The following CPED1 variants were observed in gnomAD, a reference collection of about 807,000 sequenced individuals.
CPED1 encodes cadherin like and PC-esterase domain containing 1.
CPED1 carries 114 observed loss-of-function variants against 128.2 expected under a neutral mutation model. The observed-to-expected ratio is 0.89, with a 90% CI of 0.76 to 1.04. CPED1 has a LOEUF of 1.04. Among genes scored for constraint, CPED1 ranks in the 50% least tolerant of loss-of-function variants. The probability of loss-of-function intolerance (pLI) is 0.00; values close to 1 mark genes in which losing one functional copy is unlikely to be tolerated. For synonymous variants in CPED1, 462 were observed against 426.7 expected, an observed-to-expected ratio of 1.08 and a Z score of -1.02; for missense variants, 1,211 against 1,207.1, an observed-to-expected ratio of 1.00 and a Z score of -0.05.
In CPED1 at chr7:121,128,460, C is replaced by T. The variant is rs779989936; in HGVS notation, c.1381C>T (p.Leu461Phe). 4 of 1,592,018 alleles carry T rather than the reference C, an allele frequency of 2.5e-6. No individual in the cohort carries two copies. Among genetic ancestry groups the T allele is most frequent in the East Asian group, 4.5e-5 (2 of 44,684 alleles). Residue 461 changes from leucine (L) to phenylalanine (F), a missense_variant, in exon 11 of 23, where the codon CTT becomes TTT. Coordinates refer to ENST00000310396, the MANE Select transcript of CPED1 (RefSeq NM_024913.5). ...CTCAATTATGACTTTCATAAAGGAA[C>T]TTGGAAGTCTGGGACAATTCCAACT... ...INSIMTFIKELGSLGQFQLLF... is the reference protein window; with the variant it reads ...INSIMTFIKEFGSLGQFQLLF...
chr7:121,079,021 T>A (rs1794210925), intron 5 of CPED1, among the ~76,000 whole-genome samples: 1 of 152,224 alleles, frequency 6.6e-6, no homozygotes, highest in Non-Finnish European at 1.5e-5. Flanking sequence ...AGCCTATGTC[T>A]GTGTCCTGTT....
intron 3 of CPED1, among the ~76,000 whole-genome samples, chr7:121,029,013 A>G (rs1332618445): frequency 6.6e-6 from 1 of 152,142 alleles, no homozygotes. Flanking sequence ...CATACCATAA[A>G]AACTTTGTAA....
chr7:121,125,798 G>GTACCT, intron 8 of CPED1, 22 bp from the exon 9 acceptor site: 1 of 1,574,294 alleles, frequency 6.4e-7, no homozygotes, highest in East Asian at 2.2e-5. Flanking sequence ...TACTTTTATG[G>GTACCT]TACCTTGTGT....
intron 16 of CPED1, among the ~76,000 whole-genome samples, chr7:121,189,940 T>C (rs1392824129): frequency 2.0e-5 from 3 of 151,276 alleles, no homozygotes; most frequent in Non-Finnish European, 2.9e-5. Flanking sequence ...CAGGTACTAT[T>C]ATAGACACCA....
At chr7:121,279,858 G>A (rs2116770198) in intron 22 of CPED1, among the ~76,000 whole-genome samples, 1 of 152,300 alleles carries the variant, frequency 6.6e-6, no homozygotes, top group Middle Eastern at 3.4e-3. Context: ...GTTGGCGTGT[G>A]AAGGGAGGAG....
intron 16 of CPED1, among the ~76,000 whole-genome samples, chr7:121,213,615 A>G (rs1291236655): frequency 6.6e-6 from 1 of 152,058 alleles, no homozygotes; most frequent in Non-Finnish European, 1.5e-5. Context: ...ATGTGACTAC[A>G]CAGAGCCATT....
At chr7:121,205,479 C>G (rs1448710874) in intron 16 of CPED1, among the ~76,000 whole-genome samples, 2 of 152,056 alleles carry the variant, frequency 1.3e-5, no homozygotes, top group African/African-American at 4.8e-5. Flanking sequence ...TTGGTATTAT[C>G]TTTTCTTTGC....
chr7:121,144,355 C>T (rs932958194), intron 16 of CPED1, among the ~76,000 whole-genome samples: 1 of 151,954 alleles, frequency 6.6e-6, no homozygotes, highest in African/African-American at 2.4e-5. Context: ...TATTACTCAG[C>T]CATAAAAATG....
intron 22 of CPED1, among the ~76,000 whole-genome samples, chr7:121,294,579 G>T (rs994407786): frequency 2.6e-5 from 4 of 151,840 alleles, no homozygotes. Context: ...CCAGACCCAG[G>T]GCTTATATGC....
chr7:121,276,818 A>C (rs922802163), intron 22 of CPED1, among the ~76,000 whole-genome samples: 1 of 152,162 alleles, frequency 6.6e-6, no homozygotes, highest in African/African-American at 2.4e-5. Flanking sequence ...CATAAATCAC[A>C]AAAGAATATT....
chr7:121,187,617 CCAAGAGCAGTAAACACA>C (rs1166761786), intron 16 of CPED1, among the ~76,000 whole-genome samples: 2 of 152,052 alleles, frequency 1.3e-5, no homozygotes, highest in Admixed American at 6.6e-5. Flanking sequence ...AGCAGTTTAG[CCAAGAGCAGTAAACACA>C]CAAGAGCAGT....
At chr7:121,233,366 C>T (rs1798179530) in intron 16 of CPED1, among the ~76,000 whole-genome samples, 1 of 151,922 alleles carries the variant, frequency 6.6e-6, no homozygotes. Context: ...ATCTGTGGCT[C>T]CAAGAGATGA....
At chr7:121,134,819 A>C (rs1240556354) in intron 13 of CPED1, among the ~76,000 whole-genome samples, 1 of 152,028 alleles carries the variant, frequency 6.6e-6, no homozygotes, top group Non-Finnish European at 1.5e-5. Flanking sequence ...AACCTCTATT[A>C]AGGGGCCATT....
intron 3 of CPED1, among the ~76,000 whole-genome samples, chr7:121,039,770 T>C (rs969607275): frequency 3.9e-5 from 6 of 152,106 alleles, no homozygotes; most frequent in Non-Finnish European, 7.4e-5. Context: ...TAGCAAGCCT[T>C]CTAAAGTGAA....
chr7:121,060,569 G>A (rs1175255389), intron 4 of CPED1, among the ~76,000 whole-genome samples: 1 of 152,202 alleles, frequency 6.6e-6, no homozygotes, highest in African/African-American at 2.4e-5. Context: ...CTATTCTGGA[G>A]GGGCCTTGGA....
At chr7:121,108,621 T>A (rs1795036912) in intron 7 of CPED1, among the ~76,000 whole-genome samples, 1 of 148,252 alleles carries the variant, frequency 6.7e-6, no homozygotes, top group Admixed American at 6.6e-5. Flanking sequence ...GGAAATTCAA[T>A]GATATTTTCT....
chr7:121,272,012 T>A (rs1479834106), intron 22 of CPED1, among the ~76,000 whole-genome samples: 1 of 152,136 alleles, frequency 6.6e-6, no homozygotes, highest in Non-Finnish European at 1.5e-5. Flanking sequence ...GATTACTTCC[T>A]CCCTAACCCT....
intron 5 of CPED1, among the ~76,000 whole-genome samples, chr7:121,065,132 T>A (rs1293862827): frequency 6.6e-6 from 1 of 152,142 alleles, no homozygotes; most frequent in African/African-American, 2.4e-5. Flanking sequence ...ACTTTCCCAT[T>A]GGGGTTTCTG....
At chr7:121,224,351 CA>C (rs1797952764) in intron 16 of CPED1, among the ~76,000 whole-genome samples, 1 of 152,144 alleles carries the variant, frequency 6.6e-6, no homozygotes, top group African/African-American at 2.4e-5. Flanking sequence ...TGATCTTTTA[CA>C]TGTACTGAGA....
Sources: gnomAD v4.1 joint callset for allele counts (sites outside exome capture counted in the v4.1 genomes callset) on GRCh38, gnomAD v4.1.1 for gene constraint, MANE v1.5 for transcripts, NCBI Gene and HGNC (gene_info 2026-07-23, HGNC 2026-07-21) for gene names.